Variants in CLDN10 observed in about 807,000 individuals in gnomAD.
The protein encoded by CLDN10 is claudin 10.
CLDN10 carries 15 observed loss-of-function variants against 22.9 expected under a neutral mutation model. The ratio of observed to expected loss-of-function variants is 0.65; its 90% CI spans 0.44 to 1.01. The LOEUF (loss-of-function observed/expected upper bound fraction) is 1.01. Ranked by LOEUF, CLDN10 falls within the 50% of genes least tolerant of loss-of-function variation. CLDN10 has a pLI of 0.00. For missense variants in CLDN10, 247 were observed against 287.8 expected, an observed-to-expected ratio of 0.86 and a Z score of 1.03; for synonymous variants, 114 against 111.4, an observed-to-expected ratio of 1.02 and a Z score of -0.15.
intron 1 of CLDN10, among the ~76,000 whole-genome samples, chr13:95,495,747 A>AAAAG: frequency 6.7e-6 from 1 of 149,394 alleles, no homozygotes; most frequent in Non-Finnish European, 1.5e-5. Context: ...CCACCTCAAA[A>AAAAG]AAAAAAAAAA....
chr13:95,467,108 A>G (rs1438289317), intron 1 of CLDN10, among the ~76,000 whole-genome samples: 2 of 150,834 alleles, frequency 1.3e-5, no homozygotes, highest in Non-Finnish European at 3.0e-5. Context: ...TGATCTCCTG[A>G]CTTCATGATC....
intron 1 of CLDN10, among the ~76,000 whole-genome samples, chr13:95,445,714 A>G (rs150292503): frequency 2.0e-5 from 3 of 152,340 alleles, no homozygotes; most frequent in South Asian, 2.1e-4. Flanking sequence ...TGAAACACCA[A>G]TTGTAGAGAG....
intron 1 of CLDN10, among the ~76,000 whole-genome samples, chr13:95,495,217 T>C (rs1263315675): frequency 2.0e-5 from 3 of 151,616 alleles, no homozygotes; most frequent in South Asian, 2.1e-4. Flanking sequence ...TGTATTTTTT[T>C]GTAGTGACGG....
At chr13:95,528,925 T>G (rs967638244) in intron 1 of CLDN10, among the ~76,000 whole-genome samples, 2 of 152,208 alleles carry the variant, frequency 1.3e-5, no homozygotes, top group Non-Finnish European at 2.9e-5. Context: ...GAACATAGTA[T>G]GAATTGGTTG....
intron 1 of CLDN10, among the ~76,000 whole-genome samples, chr13:95,446,839 C>T (rs949280810): frequency 6.6e-6 from 1 of 150,606 alleles, no homozygotes; most frequent in African/African-American, 2.4e-5. Context: ...GAGACTCTGT[C>T]TCAAAAAAAA....
rs746292377 is a variant in CLDN10, at chr13:95,434,045, C to A, written c.212C>A (p.Ala71Glu). Residue 71 changes from alanine (A) to glutamate (E), a missense_variant and splice_region_variant, in exon 1 of 5, where the codon GCA becomes GAA. Ala to Glu is a moderately radical substitution (Grantham distance 107). Coordinates refer to the CLDN10 transcript ENST00000376873. ...CCGCATTTTACTATCTTCAAAGTAG[C>A]AGGTAAATATAATGGCTTTGTTTGG... The A allele has an allele frequency of 3.7e-6, 6 of 1,613,202 alleles. No individual in the cohort carries two copies. The African/African-American group carries it at 6.7e-5, about 18-fold the overall frequency.
intron 1 of CLDN10, among the ~76,000 whole-genome samples, chr13:95,467,528 T>TGGG (rs1416383460): frequency 7.5e-6 from 1 of 132,526 alleles, no homozygotes; most frequent in African/African-American, 2.7e-5. Flanking sequence ...ATTGTTTTTT[T>TGGG]TGGGGGGGGC....
In CLDN10 at chr13:95,486,522, CAAAAAAAA is replaced by C. The variant is rs35424054; in HGVS notation, c.214+52489_214+52496del. Among the ~76,000 whole-genome samples, 3 of 113,370 alleles carry C rather than the reference CAAAAAAAA, an allele frequency of 2.6e-5. No individual in the cohort carries two copies. The Admixed American group carries it at 3.0e-4, about 11-fold the overall frequency. 74.4% of individuals were successfully genotyped at this position (113,370 alleles called of 152,430 possible). A position where few individuals can be genotyped will look rare whatever the true frequency, so the allele number is the denominator to read the frequency against. Reference sequence around the variant, plus strand: ...TGGGCAACACAGTGAGACCCCATCTCAAAAAAAAAAAAAAAAAAAAAGATGCAATTGGC... The same window carrying C: ...TGGGCAACACAGTGAGACCCCATCTCAAAAAAAAAAAAAGATGCAATTGGC... On this transcript the variant is annotated intron_variant, in intron 1 of 4. Coordinates refer to the CLDN10 transcript ENST00000376873.
At chr13:95,518,714 G>T (rs2043194834) in intron 1 of CLDN10, among the ~76,000 whole-genome samples, 2 of 151,932 alleles carry the variant, frequency 1.3e-5, no homozygotes, top group Non-Finnish European at 2.9e-5. Flanking sequence ...AGCCAAGATT[G>T]CACCACTGCA....
intron 1 of CLDN10, among the ~76,000 whole-genome samples, chr13:95,516,837 T>C (rs1302830132): frequency 1.3e-5 from 2 of 152,092 alleles, no homozygotes; most frequent in East Asian, 3.9e-4. Flanking sequence ...AAACCAAAAA[T>C]TTAATCAGAA....
chr13:95,543,206 T>C (rs959008261), intron 1 of CLDN10, among the ~76,000 whole-genome samples: 1 of 152,034 alleles, frequency 6.6e-6, no homozygotes, highest in Non-Finnish European at 1.5e-5. Context: ...CACTTCAGCC[T>C]GGGCGACAGA....
intron 1 of CLDN10, among the ~76,000 whole-genome samples, chr13:95,463,802 T>C (rs1403842831): frequency 6.6e-6 from 1 of 152,106 alleles, no homozygotes; most frequent in Non-Finnish European, 1.5e-5. Flanking sequence ...CCTCTTTTTG[T>C]CTTTGGACAA....
intron 1 of CLDN10, among the ~76,000 whole-genome samples, chr13:95,512,447 G>A (rs1283153011): frequency 1.3e-5 from 2 of 152,084 alleles, no homozygotes; most frequent in Admixed American, 6.6e-5. Context: ...ATCTGTTTTC[G>A]ATGTAAATGT....
At chr13:95,463,434 G>T (rs2042556753) in intron 1 of CLDN10, among the ~76,000 whole-genome samples, 1 of 145,464 alleles carries the variant, frequency 6.9e-6, no homozygotes, top group African/African-American at 2.5e-5. Context: ...CTGGGCTCAG[G>T]TGATCCTCCC....
chr13:95,474,160 A>G (rs534892993), intron 1 of CLDN10, among the ~76,000 whole-genome samples: 5 of 152,210 alleles, frequency 3.3e-5, no homozygotes, highest in Non-Finnish European at 5.9e-5. Flanking sequence ...CTGAAACTAG[A>G]CGGTCCCATC....
chr13:95,452,717 C>T (rs1295689256), intron 1 of CLDN10, among the ~76,000 whole-genome samples: 1 of 152,134 alleles, frequency 6.6e-6, no homozygotes, highest in Non-Finnish European at 1.5e-5. Flanking sequence ...CTCGAGATAG[C>T]CTGGTACCAT....
chr13:95,444,568 G>C (rs1299137489), intron 1 of CLDN10, among the ~76,000 whole-genome samples: 1 of 152,148 alleles, frequency 6.6e-6, no homozygotes, highest in Non-Finnish European at 1.5e-5. Context: ...TAAGTTCAGG[G>C]GGACACTGAC....
At chr13:95,501,588 A>G (rs962012872) in intron 1 of CLDN10, among the ~76,000 whole-genome samples, 4 of 151,986 alleles carry the variant, frequency 2.6e-5, no homozygotes, top group African/African-American at 9.7e-5. Flanking sequence ...CAATACAGCT[A>G]CCCCAGCCTT....
At chr13:95,477,657 G>T (rs925594654) in intron 1 of CLDN10, among the ~76,000 whole-genome samples, 3 of 152,176 alleles carry the variant, frequency 2.0e-5, no homozygotes, top group Non-Finnish European at 4.4e-5. Context: ...TGCACATGCG[G>T]AAACACAGGT....
Sources: allele counts gnomAD v4.1 joint callset (sites outside exome capture counted in the v4.1 genomes callset), GRCh38; gene constraint gnomAD v4.1.1; transcripts MANE v1.5; gene names NCBI Gene and HGNC (gene_info 2026-07-23, HGNC 2026-07-21).